Variants in SNORC observed in about 807,000 individuals in gnomAD.
SNORC encodes secondary ossification center associated regulator of chondrocyte maturation, also known as protein SNORC.
Under a neutral mutation model 9.7 loss-of-function variants are expected in SNORC, and 11 were observed. The ratio of observed to expected loss-of-function variants is 1.14; its 90% CI spans 0.72 to 1.88. The LOEUF (loss-of-function observed/expected upper bound fraction) is 1.88. Ranked by LOEUF, SNORC falls within the 40% of genes most tolerant of loss-of-function variation. The pLI, the probability that SNORC is intolerant of heterozygous loss-of-function variation, is 0.00. For synonymous variants in SNORC, 108 were observed against 88.7 expected (o/e 1.22, Z -1.22); for missense variants, 197 against 173.1 (o/e 1.14, Z -0.77).
At chr2:232,874,786 C>T (rs531082072) in intron 1 of SNORC, among the ~76,000 whole-genome samples, 5 of 152,372 alleles carry the variant, frequency 3.3e-5, no homozygotes, top group South Asian at 2.1e-4. Flanking sequence ...GTTCACAGAA[C>T]GGCAGCCTCC....
upstream of SNORC, among the ~76,000 whole-genome samples, chr2:232,868,562 C>T (rs1366782797): frequency 6.6e-6 from 1 of 152,174 alleles, no homozygotes; most frequent in Non-Finnish European, 1.5e-5. Flanking sequence ...TTAAAGTTGC[C>T]GGTCTTCACT....
At chr2:232,875,775 G>A in intron 1 of SNORC, 165 bp from the exon 2 acceptor site, 3 of 741,752 alleles carry the variant, frequency 4.0e-6, no homozygotes, top group South Asian at 1.9e-5. Flanking sequence ...AGGCAGCAAC[G>A]CACTGGCTTC....
chr2:232,873,218 G>T (rs1005832941), intron 1 of SNORC, among the ~76,000 whole-genome samples: 3 of 152,226 alleles, frequency 2.0e-5, no homozygotes, highest in Non-Finnish European at 4.4e-5. Context: ...CAGGAAGGTG[G>T]ATTGGGGCAT....
At chr2:232,870,349 C>G (rs776561447) in exon 1 of SNORC, 42 of 1,560,372 alleles carry the variant, frequency 2.7e-5, no homozygotes, top group Non-Finnish European at 3.4e-5. Flanking sequence ...AGGATGGCAT[C>G]CTGTCTGGCC....
chr2:232,875,387 T>C (rs774110333), intron 1 of SNORC: 1 of 290,262 alleles, frequency 3.4e-6, no homozygotes, highest in Non-Finnish European at 7.5e-6. Context: ...CCTGCCCTGC[T>C]AACACTGTGA....
intron 1 of SNORC, 139 bp from the exon 2 acceptor site, chr2:232,875,801 G>T: frequency 1.1e-6 from 1 of 923,784 alleles, no homozygotes; most frequent in Admixed American, 3.1e-5. Context: ...CTTAGCCTGG[G>T]AAATGTGAGG....
chr2:232,875,680 T>G, intron 1 of SNORC: 1 of 554,728 alleles, frequency 1.8e-6, no homozygotes, highest in East Asian at 3.2e-5. Context: ...CCCAACCCTA[T>G]AAGCAGAGAA....
chr2:232,875,876 T>TGG, intron 1 of SNORC, 64 bp from the exon 2 acceptor site: 4 of 1,480,354 alleles, frequency 2.7e-6, no homozygotes, highest in Non-Finnish European at 3.6e-6. Context: ...AACCTAGAGG[T>TGG]GGGGGGTGAC....
intron 1 of SNORC, among the ~76,000 whole-genome samples, chr2:232,874,999 G>C (rs1438486418): frequency 6.6e-6 from 1 of 152,246 alleles, no homozygotes; most frequent in Admixed American, 6.5e-5. Context: ...CAGGGAACCG[G>C]CTTGAGGGTC....
At chr2:232,876,465 C>A, downstream of SNORC, 1 of 1,361,480 alleles carries the variant, frequency 7.3e-7, no homozygotes, top group Non-Finnish European at 9.4e-7. The surrounding 1 kb of genome is among the most constrained non-coding windows in gnomAD (Gnocchi z 6.8). Flanking sequence ...AGAGCGTGAG[C>A]GCGCGCAGGC....
rs910861856 is a variant in SNORC, at chr2:232,876,193, G to A, written c.257-54G>A. ...GGGCGGGGGGCGGGGGGCGCGGGGA[G>A]AAGGGCCGGCCAGGCGGGGGCTAGC... On this transcript the variant is annotated intron_variant, in intron 2 of 2. Coordinates refer to ENST00000331342, the Ensembl canonical transcript of SNORC. The surrounding 1 kb of genome is among the most constrained non-coding windows in gnomAD (Gnocchi z 6.8). 2.0e-5 allele frequency: 28 copies of A among 1,393,656 alleles called. No homozygotes were observed. Among genetic ancestry groups the A allele is most frequent in the Admixed American group, 1.5e-4 (6 of 40,140 alleles). The allele number at this position is 1,393,656 out of a possible 1,614,324, so 86.3% of individuals were successfully genotyped here. A position where few individuals can be genotyped will look rare whatever the true frequency, so the allele number is the denominator to read the frequency against.
intron 1 of SNORC, 142 bp downstream of exon 1, chr2:232,870,556 A>G: frequency 1.3e-6 from 1 of 797,956 alleles, no homozygotes; most frequent in Non-Finnish European, 2.0e-6. Context: ...TTCTGCGAAG[A>G]GCTCTTGTGA....
Position 232,876,332 on chromosome 2 carries a change from G to T in SNORC, c.342G>T (p.Ala114=), listed in dbSNP as rs1045810016. The T allele has an allele frequency of 6.5e-7, 1 of 1,546,122 alleles. No homozygotes were observed. Among genetic ancestry groups the T allele is most frequent in the Non-Finnish European group, 8.7e-7 (1 of 1,149,778 alleles). ...TGGTGCTGGCGCTCGTGGTCGTCGC[G>T]CTGAGAAAGTTTTCTGCCTCCTGAA... Residue 114 remains alanine (A), a synonymous_variant, in exon 3 of 3, where the codon GCG becomes GCT. Transcript: ENST00000331342. The surrounding 1 kb of genome is among the most constrained non-coding windows in gnomAD (Gnocchi z 6.8).
At chr2:232,871,235 TGGCCTGGGGAGAGCTTCTGGGGGACGACA>T (rs1231830321) in intron 1 of SNORC, among the ~76,000 whole-genome samples, 1 of 152,000 alleles carries the variant, frequency 6.6e-6, no homozygotes, top group Non-Finnish European at 1.5e-5. Flanking sequence ...CATGAGAGCA[TGGCCTGGGGAGAGCTTCTGGGGGACGACA>T]GGCCTGGGGA....
chr2:232,876,709 TGCGCGTGCGCCGGG>T, downstream of SNORC: 7 of 988,090 alleles, frequency 7.1e-6, no homozygotes, highest in Non-Finnish European at 8.4e-6. This position sits in a 1 kb window ranked among gnomAD's most constrained non-coding sequence, Gnocchi z 6.8. Flanking sequence ...GCGTGCCCGG[TGCGCGTGCGCCGGG>T]GCCGCCAGGG....
At chr2:232,877,366 T>C (rs1001819549), downstream of SNORC, 50 of 985,386 alleles carry the variant, frequency 5.1e-5, no homozygotes, top group Non-Finnish European at 5.7e-5. Context: ...ATGTAAACTT[T>C]GATCCTTTGA....
At chr2:232,873,879 T>TG (rs1248586628) in intron 1 of SNORC, among the ~76,000 whole-genome samples, 4 of 152,226 alleles carry the variant, frequency 2.6e-5, no homozygotes, top group Non-Finnish European at 5.9e-5. Flanking sequence ...GAGACATCAG[T>TG]GCTACAGTGC....
intron 1 of SNORC, among the ~76,000 whole-genome samples, chr2:232,872,273 TGGG>T (rs1209533041): frequency 6.6e-6 from 1 of 151,966 alleles, no homozygotes; most frequent in Non-Finnish European, 1.5e-5. Context: ...CCCTCCCTGT[TGGG>T]GGCCTGTGGC....
upstream of SNORC, chr2:232,869,705 C>CAGGAG (rs1241472010): frequency 6.4e-6 from 1 of 155,192 alleles, no homozygotes; most frequent in East Asian, 1.9e-4. Flanking sequence ...AAAGAGGAAA[C>CAGGAG]AGGAGCGTTT....
Sources: gnomAD v4.1 joint callset for allele counts (sites outside exome capture counted in the v4.1 genomes callset) on GRCh38, gnomAD v4.1.1 for gene constraint, Gnocchi (gnomAD v3.1) non-coding constraint, MANE v1.5 for transcripts, NCBI Gene and HGNC (gene_info 2026-07-23, HGNC 2026-07-21) for gene names.